Variants in POU2AF2 observed in about 807,000 individuals in gnomAD.
The protein encoded by POU2AF2 is POU class 2 homeobox associating factor 2, also known as POU domain class 2-associating factor 2.
At chr11:111,253,619 C>T in the POU2AF2 span, among the ~76,000 whole-genome samples, 916 of 152,246 alleles carry the variant, frequency 6.0e-3, 11 homozygotes, top group African/African-American at 0.019. Flanking sequence ...CTGATCTTCC[C>T]GCAGCTTTGT....
the POU2AF2 span, among the ~76,000 whole-genome samples, chr11:111,264,566 A>G: frequency 0.016 from 610 of 38,976 alleles, 69 homozygotes; most frequent in African/African-American, 0.056. Context: ...GAAAGAAAGA[A>G]AGAAAGAAAG....
the POU2AF2 span, chr11:111,286,106 A>G: frequency 6.3e-7 from 1 of 1,587,800 alleles, no homozygotes; most frequent in Non-Finnish European, 8.5e-7. Context: ...GTGTATTCCA[A>G]AGATTGTTTT....
the POU2AF2 span, among the ~76,000 whole-genome samples, chr11:111,273,263 A>C: frequency 6.6e-6 from 1 of 152,148 alleles, no homozygotes; most frequent in African/African-American, 2.4e-5. Context: ...ACCTAACATC[A>C]GTGCCCATTT....
chr11:111,279,915 C>T, the POU2AF2 span, among the ~76,000 whole-genome samples: 1 of 151,310 alleles, frequency 6.6e-6, no homozygotes, highest in Non-Finnish European at 1.5e-5. Flanking sequence ...GTGGTGCGTG[C>T]CTGTAATCCC....
chr11:111,248,906 C>T, the POU2AF2 span, among the ~76,000 whole-genome samples: 4 of 152,156 alleles, frequency 2.6e-5, no homozygotes, highest in Non-Finnish European at 4.4e-5. Context: ...ATAGAGAAAA[C>T]GTTTAATTTT....
chr11:111,258,983 T>C, the POU2AF2 span, among the ~76,000 whole-genome samples: 2 of 152,204 alleles, frequency 1.3e-5, no homozygotes, highest in South Asian at 2.1e-4. Context: ...GTTTGTGCCA[T>C]TGGACACCAA....
At chr11:111,276,453 A>AATATATATATATATAT in the POU2AF2 span, among the ~76,000 whole-genome samples, 53 of 37,512 alleles carry the variant, frequency 1.4e-3, no homozygotes, top group South Asian at 5.6e-3. Flanking sequence ...AAAAAAAAAA[A>AATATATATATATATAT]ATATATATAT....
At chr11:111,278,483 C>G in the POU2AF2 span, among the ~76,000 whole-genome samples, 1 of 152,126 alleles carries the variant, frequency 6.6e-6, no homozygotes, top group East Asian at 1.9e-4. Context: ...GTAATTAGAT[C>G]TTGCAGGTGA....
the POU2AF2 span, among the ~76,000 whole-genome samples, chr11:111,251,048 G>T: frequency 1.3e-5 from 2 of 152,240 alleles, no homozygotes; most frequent in Admixed American, 6.5e-5. Context: ...TTGAACTTGC[G>T]TTTTCAAAGG....
At chr11:111,253,862 TC>T in the POU2AF2 span, among the ~76,000 whole-genome samples, 1 of 152,130 alleles carries the variant, frequency 6.6e-6, no homozygotes, top group Non-Finnish European at 1.5e-5. Flanking sequence ...CGTGCTGTCT[TC>T]CTACCTATTT....
At chr11:111,269,113 C>T in the POU2AF2 span, among the ~76,000 whole-genome samples, 2 of 152,080 alleles carry the variant, frequency 1.3e-5, no homozygotes, top group African/African-American at 4.8e-5. Context: ...TCTCCCTATA[C>T]CTTTTGCTCC....
the POU2AF2 span, chr11:111,255,969 T>A: frequency 2.5e-6 from 1 of 399,226 alleles, no homozygotes; most frequent in Non-Finnish European, 4.4e-6. Context: ...TTGTGACTAT[T>A]CCATTTGCTT....
the POU2AF2 span, among the ~76,000 whole-genome samples, chr11:111,259,711 A>G: frequency 6.6e-6 from 1 of 152,204 alleles, no homozygotes; most frequent in Non-Finnish European, 1.5e-5. Context: ...GAAATATACC[A>G]CGTAGAGATA....
chr11:111,281,499 G>T, the POU2AF2 span: 36 of 1,571,262 alleles, frequency 2.3e-5, no homozygotes, highest in Non-Finnish European at 3.1e-5. Flanking sequence ...AAGCATCTGG[G>T]CTTCCATTCT....
the POU2AF2 span, among the ~76,000 whole-genome samples, chr11:111,276,874 T>G: frequency 6.6e-6 from 1 of 152,020 alleles, no homozygotes; most frequent in East Asian, 1.9e-4. Context: ...TCAACACCAC[T>G]GACACTTAAG....
At chr11:111,262,928 AG>A in the POU2AF2 span, among the ~76,000 whole-genome samples, 1 of 152,250 alleles carries the variant, frequency 6.6e-6, no homozygotes, top group Non-Finnish European at 1.5e-5. Context: ...ATACTGTACA[AG>A]TACAGACCAA....
At chr11:111,275,677 T>C in the POU2AF2 span, among the ~76,000 whole-genome samples, 2 of 152,140 alleles carry the variant, frequency 1.3e-5, no homozygotes, top group Non-Finnish European at 1.5e-5. Context: ...TGAGTCCACA[T>C]GAACAATAGA....
chr11:111,251,302 C>T, the POU2AF2 span, among the ~76,000 whole-genome samples: 4,572 of 152,216 alleles, frequency 0.03, 93 homozygotes, highest in Middle Eastern at 0.061. Flanking sequence ...AATGACTCTA[C>T]AGCTTCAGGA....
At chr11:111,247,947 G>A in the POU2AF2 span, among the ~76,000 whole-genome samples, 2 of 141,072 alleles carry the variant, frequency 1.4e-5, no homozygotes, top group Admixed American at 1.5e-4. Flanking sequence ...GGTGTGGCGC[G>A]ATCTCCGCTC....
Sources: allele counts gnomAD v4.1 joint callset (sites outside exome capture counted in the v4.1 genomes callset), GRCh38; gene constraint gnomAD v4.1.1; transcripts MANE v1.5; gene names NCBI Gene and HGNC (gene_info 2026-07-23, HGNC 2026-07-21).